Variants in PKIA observed in about 807,000 individuals in gnomAD.
The protein encoded by PKIA is cAMP-dependent protein kinase inhibitor alpha.
Under a neutral mutation model 7.6 loss-of-function variants are expected in PKIA, and 4 were observed. The ratio of observed to expected loss-of-function variants is 0.52; its 90% CI spans 0.26 to 1.20. The LOEUF (loss-of-function observed/expected upper bound fraction) is 1.20. Among genes scored for constraint, PKIA ranks in the 50% most tolerant of loss-of-function variants. PKIA has a pLI of 0.13. For synonymous variants in PKIA, 21 were observed against 30.7 expected, an observed-to-expected ratio of 0.68 and a Z score of 1.04; for missense variants, 73 against 86.2, an observed-to-expected ratio of 0.85 and a Z score of 0.61.
At chr8:78,561,727 T>A (rs1807290844) in intron 1 of PKIA, among the ~76,000 whole-genome samples, 1 of 152,176 alleles carries the variant, frequency 6.6e-6, no homozygotes, top group Non-Finnish European at 1.5e-5. Context: ...TAACCTTAGA[T>A]AAATCACTTA....
chr8:78,571,669 G>T (rs1807551367), intron 1 of PKIA, among the ~76,000 whole-genome samples: 1 of 151,968 alleles, frequency 6.6e-6, no homozygotes, highest in Non-Finnish European at 1.5e-5. Flanking sequence ...TTTCTTTCAT[G>T]CCTCTATTCT....
intron 1 of PKIA, among the ~76,000 whole-genome samples, chr8:78,546,715 C>A (rs1031560169): frequency 6.6e-6 from 1 of 152,134 alleles, no homozygotes; most frequent in Non-Finnish European, 1.5e-5. Flanking sequence ...AAATAGATGC[C>A]ATAAATATGT....
At position 78,583,328 on chromosome 8, in the gene PKIA, C is replaced by G. The variant is rs1426127124; in HGVS notation, c.-28+10389C>G. 5.9e-5 allele frequency among the ~76,000 whole-genome samples: 9 copies of G among 152,158 alleles called. No homozygotes were observed. In the East Asian group the frequency reaches 1.6e-3, roughly 26 times the overall value. On this transcript the variant is annotated intron_variant, in intron 2 of 3. Transcript: ENST00000396418. ...ATTTTTCCCAACATCAGATGGCAAG[C>G]AAATATTGTAAAAATTATGGCACTG...
chr8:78,553,880 T>G (rs912501880), intron 1 of PKIA, among the ~76,000 whole-genome samples: 1 of 151,916 alleles, frequency 6.6e-6, no homozygotes, highest in African/African-American at 2.4e-5. Context: ...AAACAGCCAG[T>G]GCATCAACAA....
chr8:78,523,883 A>G (rs78451954), intron 1 of PKIA, among the ~76,000 whole-genome samples: 2,552 of 143,956 alleles, frequency 0.018, 76 homozygotes, highest in African/African-American at 0.062. Flanking sequence ...TATTTATATA[A>G]ATATTTATAC....
intron 1 of PKIA, among the ~76,000 whole-genome samples, chr8:78,554,726 A>G (rs1213452948): frequency 6.6e-6 from 1 of 152,048 alleles, no homozygotes; most frequent in Non-Finnish European, 1.5e-5. Context: ...TGACACAAGA[A>G]TTAGATTGTA....
intron 2 of PKIA, among the ~76,000 whole-genome samples, chr8:78,584,697 G>T (rs1474448821): frequency 6.6e-6 from 1 of 152,050 alleles, no homozygotes; most frequent in East Asian, 1.9e-4. Flanking sequence ...AAGGTAATAG[G>T]TTCAAGCATT....
intron 2 of PKIA, among the ~76,000 whole-genome samples, chr8:78,584,718 T>G (rs532431912): frequency 3.5e-4 from 54 of 152,224 alleles, no homozygotes; most frequent in African/African-American, 8.7e-4. Context: ...TTTATTTGTA[T>G]GTATTTACTT....
chr8:78,588,503 AC>A (rs1415872435), intron 2 of PKIA, among the ~76,000 whole-genome samples: 1 of 152,076 alleles, frequency 6.6e-6, no homozygotes, highest in Non-Finnish European at 1.5e-5. Flanking sequence ...AACAACAACA[AC>A]AACAAAGTGC....
intron 2 of PKIA, among the ~76,000 whole-genome samples, chr8:78,584,475 T>C (rs187899620): frequency 1.3e-5 from 2 of 152,246 alleles, no homozygotes. Flanking sequence ...GGTTGTGTTA[T>C]AAGATATTAA....
rs1276619244 is a variant in PKIA, at chr8:78,562,382, T to C, written c.-156-10429T>C. The stretch of plus-strand genomic sequence containing the variant: ...GAGACTCAACAGTCAAAGTAATCTC[T>C]TTAAAACCACAAAGCATATGATACA... On this transcript the variant is annotated intron_variant, in intron 1 of 3. Coordinates refer to ENST00000396418, the MANE Select transcript of PKIA (RefSeq NM_006823.4). Among the ~76,000 whole-genome samples, 4 of 152,294 alleles carry C rather than the reference T, an allele frequency of 2.6e-5. No homozygotes were observed. The East Asian group carries it at 7.7e-4, about 29-fold the overall frequency.
intron 1 of PKIA, among the ~76,000 whole-genome samples, chr8:78,521,012 T>C (rs570870824): frequency 6.6e-6 from 1 of 151,982 alleles, no homozygotes; most frequent in East Asian, 1.9e-4. Context: ...CTAGTGAAAA[T>C]AGTGACTCAA....
intron 1 of PKIA, among the ~76,000 whole-genome samples, chr8:78,518,163 C>T (rs745586347): frequency 1.3e-5 from 2 of 152,168 alleles, no homozygotes; most frequent in Non-Finnish European, 2.9e-5. Context: ...TCTTTGTCTC[C>T]ATCTTCAGTA....
At chr8:78,543,119 C>G in intron 1 of PKIA, among the ~76,000 whole-genome samples, 1 of 152,156 alleles carries the variant, frequency 6.6e-6, no homozygotes, top group East Asian at 1.9e-4. Flanking sequence ...AAGGGATTCT[C>G]AGAACTCTAC....
chr8:78,535,526 T>A (rs1397025753), intron 1 of PKIA: 2 of 151,676 alleles, frequency 1.3e-5, no homozygotes, highest in Non-Finnish European at 3.0e-5. Flanking sequence ...TGGTTCACAT[T>A]TGACCAAATC....
intron 1 of PKIA, among the ~76,000 whole-genome samples, chr8:78,539,714 T>C (rs1806625284): frequency 6.6e-6 from 1 of 152,052 alleles, no homozygotes; most frequent in Non-Finnish European, 1.5e-5. Flanking sequence ...AAAATATTTA[T>C]TACCTGCAGT....
intron 1 of PKIA, among the ~76,000 whole-genome samples, chr8:78,518,430 A>C (rs1809356009): frequency 6.6e-6 from 1 of 152,210 alleles, no homozygotes; most frequent in Non-Finnish European, 1.5e-5. Context: ...CTACTATTAA[A>C]ATACTTAACC....
At chr8:78,596,330 C>T (rs1808225844) in intron 2 of PKIA, among the ~76,000 whole-genome samples, 1 of 152,118 alleles carries the variant, frequency 6.6e-6, no homozygotes, top group South Asian at 2.1e-4. Context: ...ATCTCCGCCT[C>T]CCGGGTTCAA....
At chr8:78,532,976 C>T (rs750787381) in intron 1 of PKIA, among the ~76,000 whole-genome samples, 10 of 152,070 alleles carry the variant, frequency 6.6e-5, no homozygotes, top group East Asian at 5.8e-4. Flanking sequence ...ATTTGTCCAG[C>T]GCCTGGTCTT....
Sources: gnomAD v4.1 joint callset for allele counts (sites outside exome capture counted in the v4.1 genomes callset) on GRCh38, gnomAD v4.1.1 for gene constraint, MANE v1.5 for transcripts, NCBI Gene and HGNC (gene_info 2026-07-23, HGNC 2026-07-21) for gene names.